The following ZDHHC14 variants were observed in gnomAD, a reference collection of about 807,000 sequenced individuals.
ZDHHC14 encodes the protein palmitoyltransferase ZDHHC14.
A neutral mutation model predicts 47.7 loss-of-function variants in ZDHHC14; 16 were observed. The observed-to-expected ratio is 0.34, with a 90% CI of 0.23 to 0.51. ZDHHC14 has a LOEUF of 0.51. Ranked by LOEUF, ZDHHC14 falls within the 20% of genes least tolerant of loss-of-function variation. The pLI, the probability that ZDHHC14 is intolerant of heterozygous loss-of-function variation, is 0.97. For missense variants in ZDHHC14, 515 were observed against 662.5 expected, an observed-to-expected ratio of 0.78 and a Z score of 2.44; for synonymous variants, 293 against 278.9, an observed-to-expected ratio of 1.05 and a Z score of -0.50.
At chr6:157,491,330 C>T (rs1382064455) in intron 1 of ZDHHC14, among the ~76,000 whole-genome samples, 8 of 152,170 alleles carry the variant, frequency 5.3e-5, no homozygotes, top group South Asian at 2.1e-4. Context: ...GATGAGGCCA[C>T]GTTCTGAGCT....
At chr6:157,648,700 T>G (rs1562528239) in intron 7 of ZDHHC14, among the ~76,000 whole-genome samples, 1 of 152,222 alleles carries the variant, frequency 6.6e-6, no homozygotes, top group Non-Finnish European at 1.5e-5. Context: ...CAGACATGCC[T>G]GGGCAGGTGC....
intron 1 of ZDHHC14, among the ~76,000 whole-genome samples, chr6:157,490,470 G>A (rs1779887438): frequency 6.6e-6 from 1 of 152,192 alleles, no homozygotes; most frequent in African/African-American, 2.4e-5. Context: ...TCTAATTAGG[G>A]AGGCAAGGTA....
intron 7 of ZDHHC14, among the ~76,000 whole-genome samples, chr6:157,651,440 T>C (rs938109132): frequency 5.9e-5 from 9 of 152,240 alleles, no homozygotes; most frequent in Admixed American, 2.6e-4. Context: ...CCCACCCCAA[T>C]TGAGTGTGAC....
At chr6:157,672,695 T>C in intron 8 of ZDHHC14, 29 bp from the exon 9 acceptor site, 1 of 1,335,466 alleles carries the variant, frequency 7.5e-7, no homozygotes, top group Non-Finnish European at 9.9e-7. Flanking sequence ...CTCTCCACCT[T>C]CTCTTTGCTG....
intron 3 of ZDHHC14, among the ~76,000 whole-genome samples, chr6:157,625,692 C>T (rs189683557): frequency 1.3e-5 from 2 of 151,892 alleles, no homozygotes; most frequent in East Asian, 1.9e-4. Context: ...AGGCACCCGC[C>T]GAGCCTCTCA....
intron 3 of ZDHHC14, among the ~76,000 whole-genome samples, chr6:157,619,668 A>G (rs1428875197): frequency 6.6e-6 from 1 of 151,700 alleles, no homozygotes; most frequent in Non-Finnish European, 1.5e-5. Context: ...GCAGTGCTAC[A>G]TTTTACTAAT....
intron 3 of ZDHHC14, among the ~76,000 whole-genome samples, chr6:157,607,382 G>A (rs993826899): frequency 6.6e-6 from 1 of 152,064 alleles, no homozygotes; most frequent in Non-Finnish European, 1.5e-5. Flanking sequence ...GCATTTAAAG[G>A]CTCTTTTTTT....
chr6:157,509,718 A>G (rs1224196520), intron 1 of ZDHHC14, among the ~76,000 whole-genome samples: 1 of 152,212 alleles, frequency 6.6e-6, no homozygotes, highest in Non-Finnish European at 1.5e-5. Flanking sequence ...AAGGCCTTCA[A>G]GTTTTCTGGA....
intron 1 of ZDHHC14, among the ~76,000 whole-genome samples, chr6:157,510,983 T>A (rs527976957): frequency 6.6e-6 from 1 of 152,248 alleles, no homozygotes; most frequent in Non-Finnish European, 1.5e-5. Context: ...ATAATTTACC[T>A]TTGTGGCTTA....
At chr6:157,385,071 T>A (rs373652997) in intron 1 of ZDHHC14, among the ~76,000 whole-genome samples, 1 of 150,416 alleles carries the variant, frequency 6.6e-6, no homozygotes, top group Non-Finnish European at 1.5e-5. Flanking sequence ...TGTGAGCCAC[T>A]GCACCTGGCC....
intron 1 of ZDHHC14, among the ~76,000 whole-genome samples, chr6:157,461,755 C>A (rs2180414): frequency 0.52 from 79,369 of 151,870 alleles, 22,047 homozygotes; most frequent in East Asian, 0.9. Flanking sequence ...TGTGGTGATA[C>A]CCTCTCCACC....
chr6:157,595,768 G>A (rs978173258), intron 3 of ZDHHC14, among the ~76,000 whole-genome samples: 7 of 152,232 alleles, frequency 4.6e-5, no homozygotes, highest in South Asian at 2.1e-4. Flanking sequence ...TCTACCAGCC[G>A]TGAACCTAGG....
chr6:157,551,868 T>G (rs1422284108), intron 2 of ZDHHC14, among the ~76,000 whole-genome samples: 1 of 152,226 alleles, frequency 6.6e-6, no homozygotes, highest in Non-Finnish European at 1.5e-5. Context: ...GAACTTAGTC[T>G]ATGACTTTGA....
chr6:157,580,468 A>G (rs539250790), intron 2 of ZDHHC14, among the ~76,000 whole-genome samples: 1 of 152,306 alleles, frequency 6.6e-6, no homozygotes, highest in East Asian at 1.9e-4. Context: ...TAGGAATGGT[A>G]CCAGCTCTTT....
intron 2 of ZDHHC14, among the ~76,000 whole-genome samples, chr6:157,549,871 T>G (rs1299889498): frequency 6.6e-6 from 1 of 152,246 alleles, no homozygotes; most frequent in African/African-American, 2.4e-5. Context: ...CTTGTGGGAA[T>G]GTACCATGTG....
Position 157,517,321 on chromosome 6 carries a change from C to CTTTTT in ZDHHC14, c.246-25257_246-25253dup, listed in dbSNP as rs34872988. Among the ~76,000 whole-genome samples, 479 of 145,982 alleles carry CTTTTT rather than the reference C, an allele frequency of 3.3e-3. 4 individuals carry two copies. The highest frequency in any genetic ancestry group is 7.7e-3 in the African/African-American group (306 of 39,560). ...AAAAGACTTCTGCTCTATAGTATCT[C>CTTTTT]TTTTTTTTTTTGAGACAGAGTTTCG... On this transcript the variant is annotated intron_variant, in intron 1 of 8. Transcript: ENST00000359775.
At chr6:157,403,335 A>G (rs1777682115) in intron 1 of ZDHHC14, among the ~76,000 whole-genome samples, 1 of 152,220 alleles carries the variant, frequency 6.6e-6, no homozygotes, top group Non-Finnish European at 1.5e-5. Flanking sequence ...GAAAGCATAT[A>G]TTTTGTGAAA....
intron 1 of ZDHHC14, among the ~76,000 whole-genome samples, chr6:157,506,148 C>T (rs1259941425): frequency 6.6e-6 from 1 of 152,204 alleles, no homozygotes; most frequent in Non-Finnish European, 1.5e-5. Flanking sequence ...AGTTCTATTT[C>T]TGGTGTCATT....
intron 1 of ZDHHC14, among the ~76,000 whole-genome samples, chr6:157,400,806 C>T (rs547033153): frequency 6.6e-6 from 1 of 152,220 alleles, no homozygotes; most frequent in African/African-American, 2.4e-5. Context: ...AGCGTTCCCC[C>T]AGGTCCCGCT....
Sources: allele counts gnomAD v4.1 joint callset (sites outside exome capture counted in the v4.1 genomes callset), GRCh38; gene constraint gnomAD v4.1.1; transcripts MANE v1.5; gene names NCBI Gene and HGNC (gene_info 2026-07-23, HGNC 2026-07-21).